SIAH1: variants seen among roughly 807,000 people sequenced by gnomAD.
The protein encoded by SIAH1 is E3 ubiquitin-protein ligase SIAH1.
Under a neutral mutation model 20.0 loss-of-function variants are expected in SIAH1, and 2 were observed. The ratio of observed to expected loss-of-function variants is 0.10; its 90% CI spans 0.04 to 0.31. The LOEUF (loss-of-function observed/expected upper bound fraction) is 0.31, where lower values mean the gene tolerates loss of function less well. SIAH1 is among the 10% of genes least tolerant of loss of function. The probability of loss-of-function intolerance (pLI) is 1.00; values close to 1 mark genes in which losing one functional copy is unlikely to be tolerated. For synonymous variants in SIAH1, 118 were observed against 125.3 expected (o/e 0.94, Z 0.39); for missense variants, 119 against 355.3 (o/e 0.33, Z 5.35).
chr16:48,386,333 C>T (rs1241527349), upstream of SIAH1, among the ~76,000 whole-genome samples: 1 of 152,046 alleles, frequency 6.6e-6, no homozygotes, highest in Admixed American at 6.6e-5. Context: ...ATGGTGAAAC[C>T]CTATCTCTAC....
chr16:48,386,720 G>A (rs1961475649), upstream of SIAH1, among the ~76,000 whole-genome samples: 1 of 152,124 alleles, frequency 6.6e-6, no homozygotes, highest in South Asian at 2.1e-4. Context: ...CAGTTTAGAG[G>A]TAAATTTTCC....
intron 1 of SIAH1, among the ~76,000 whole-genome samples, chr16:48,383,070 T>C (rs1961340493): frequency 6.6e-6 from 1 of 152,226 alleles, no homozygotes; most frequent in African/African-American, 2.4e-5. Context: ...AGGGAATAGA[T>C]TAATATTTAA....
At chr16:48,363,186 G>A (rs1408627027) in intron 1 of SIAH1, 1 of 167,008 alleles carries the variant, frequency 6.0e-6, no homozygotes, top group Admixed American at 6.6e-5. Context: ...CAATGCCAAA[G>A]AATCAGAGTA....
chr16:48,373,394 AATT>A (rs1463218864), intron 1 of SIAH1, among the ~76,000 whole-genome samples: 2 of 152,138 alleles, frequency 1.3e-5, no homozygotes, highest in African/African-American at 4.8e-5. Flanking sequence ...TCCTTTTTTC[AATT>A]AATAGAGACT....
intron 1 of SIAH1, among the ~76,000 whole-genome samples, chr16:48,366,072 G>A (rs1318534039): frequency 1.3e-5 from 2 of 152,142 alleles, no homozygotes; most frequent in African/African-American, 4.8e-5. Flanking sequence ...CAAAGGCCGG[G>A]GGCGTGGGGG....
At chr16:48,386,745 T>C (rs1961476081), upstream of SIAH1, among the ~76,000 whole-genome samples, 1 of 152,180 alleles carries the variant, frequency 6.6e-6, no homozygotes, top group Non-Finnish European at 1.5e-5. Flanking sequence ...TTACAGACTA[T>C]GTGCTTGGCA....
intron 1 of SIAH1, chr16:48,365,380 T>G (rs1310326611): frequency 6.2e-7 from 1 of 1,613,814 alleles, no homozygotes; most frequent in African/African-American, 1.3e-5. Flanking sequence ...CCTCTTAATG[T>G]CAATACCTTT....
intron 1 of SIAH1, among the ~76,000 whole-genome samples, chr16:48,366,185 G>A (rs1266557594): frequency 6.6e-6 from 1 of 152,212 alleles, no homozygotes; most frequent in Non-Finnish European, 1.5e-5. Context: ...GCTATTTTCG[G>A]TAGGTCAGAA....
In SIAH1 at chr16:48,372,610, C is replaced by T. The variant is rs1203968054; in HGVS notation, c.-2-10180G>A. On this transcript the variant is annotated intron_variant, in intron 1 of 1. Transcript: ENST00000394725. Reference sequence around the variant, plus strand: ...ACGCAAGCTAGAGAAAAGCTGAGGTCGATCTAATAACATAAATAATTCATT... The same window carrying T: ...ACGCAAGCTAGAGAAAAGCTGAGGTTGATCTAATAACATAAATAATTCATT... Among the ~76,000 whole-genome samples the T allele has an allele frequency of 2.6e-5, 4 of 152,050 alleles. 1 individual carries two copies. The highest frequency in any genetic ancestry group is 4.1e-4 in the South Asian group (2 of 4,820).
intron 1 of SIAH1, among the ~76,000 whole-genome samples, chr16:48,379,914 TATCA>T (rs1471373432): frequency 6.6e-6 from 1 of 152,108 alleles, no homozygotes; most frequent in Non-Finnish European, 1.5e-5. Flanking sequence ...TTACGAACCA[TATCA>T]AGAACTTAGA....
chr16:48,380,023 G>C (rs560651181), intron 1 of SIAH1, among the ~76,000 whole-genome samples: 1 of 152,288 alleles, frequency 6.6e-6, no homozygotes, highest in South Asian at 2.1e-4. Flanking sequence ...GAGACCAAAA[G>C]GAGATCTCTT....
intron 1 of SIAH1, chr16:48,365,575 G>T: frequency 2.0e-6 from 3 of 1,508,322 alleles, no homozygotes; most frequent in South Asian, 2.5e-5. Context: ...CCAAATTCGC[G>T]TCTGAGGTCA....
chr16:48,375,066 C>T (rs1338252186), intron 1 of SIAH1, among the ~76,000 whole-genome samples: 1 of 152,210 alleles, frequency 6.6e-6, no homozygotes, highest in African/African-American at 2.4e-5. Context: ...AAGATAATTA[C>T]TTGAACCCGG....
At chr16:48,375,618 G>A (rs564164684) in intron 1 of SIAH1, among the ~76,000 whole-genome samples, 5 of 151,594 alleles carry the variant, frequency 3.3e-5, no homozygotes, top group East Asian at 3.9e-4. Flanking sequence ...CAGCCCGGGC[G>A]ACAGAGCGAG....
At chr16:48,363,349 C>T (rs1960682560) in intron 1 of SIAH1, 1 of 167,062 alleles carries the variant, frequency 6.0e-6, no homozygotes, top group Non-Finnish European at 1.5e-5. Flanking sequence ...TATCACCAGC[C>T]AGGTATTAAT....
At chr16:48,372,908 G>A (rs951607229) in intron 1 of SIAH1, among the ~76,000 whole-genome samples, 5 of 152,110 alleles carry the variant, frequency 3.3e-5, no homozygotes, top group Admixed American at 2.6e-4. Context: ...TATTTAAATT[G>A]CAAGTTTTGA....
At chr16:48,368,560 T>C (rs1567371073) in intron 1 of SIAH1, among the ~76,000 whole-genome samples, 1 of 152,114 alleles carries the variant, frequency 6.6e-6, no homozygotes, top group South Asian at 2.1e-4. Context: ...TAGCCGGGCA[T>C]GGTGGCGTGT....
At position 48,368,742 on chromosome 16, in the gene SIAH1, C is replaced by CA. The variant is rs893692627; in HGVS notation, c.-2-6313dup. ...TGGGCGACAGAGCAAGATTCCATCT[C>CA]AAAAAAAAAAGAAAGGGTAGGATGC... is the stretch of plus-strand genomic sequence containing the variant. On this transcript the variant is annotated intron_variant, in intron 1 of 1. Transcript: ENST00000394725. Among the ~76,000 whole-genome samples, 181 of 142,382 alleles carry CA rather than the reference C, an allele frequency of 1.3e-3. 1 individual carries two copies. The highest frequency in any genetic ancestry group is 4.5e-3 in the East Asian group (22 of 4,932). 93.4% of individuals were successfully genotyped at this position (142,382 alleles called of 152,430 possible). A position where few individuals can be genotyped will look rare whatever the true frequency, so the allele number is the denominator to read the frequency against.
chr16:48,363,243 G>A (rs934871954), intron 1 of SIAH1: 3 of 167,012 alleles, frequency 1.8e-5, no homozygotes, highest in Non-Finnish European at 4.4e-5. Context: ...ATCTACTCTA[G>A]AGGTGTATTT....
Sources: allele counts gnomAD v4.1 joint callset (sites outside exome capture counted in the v4.1 genomes callset), GRCh38; gene constraint gnomAD v4.1.1; transcripts MANE v1.5; gene names NCBI Gene and HGNC (gene_info 2026-07-23, HGNC 2026-07-21).